DIP2C: variants seen among roughly 807,000 people sequenced by gnomAD.
DIP2C encodes the protein disco-interacting protein 2 homolog C.
A neutral mutation model predicts 192.4 loss-of-function variants in DIP2C; 33 were observed. That is an observed-to-expected ratio of 0.17 (90% CI 0.13 to 0.23). The LOEUF (loss-of-function observed/expected upper bound fraction) is 0.23. DIP2C is among the 10% of genes least tolerant of loss of function. The pLI is 1.00. For synonymous variants in DIP2C, 979 were observed against 864.1 expected (o/e 1.13, Z -2.33); for missense variants, 1,537 against 2,110.1 (o/e 0.73, Z 5.32).
chr10:543,897 A>G (rs1029727755), intron 1 of DIP2C, among the ~76,000 whole-genome samples: 1 of 145,818 alleles, frequency 6.9e-6, no homozygotes, highest in African/African-American at 2.8e-5. Context: ...TGAATCCATT[A>G]AGAGTCAGCA....
intron 1 of DIP2C, among the ~76,000 whole-genome samples, chr10:681,563 A>G (rs1831134734): frequency 6.7e-6 from 1 of 150,220 alleles, no homozygotes; most frequent in Non-Finnish European, 1.5e-5. Flanking sequence ...GCCACCACCT[A>G]TGGCCACGGA....
At chr10:337,581 ATG>A (rs547049566) in intron 29 of DIP2C, among the ~76,000 whole-genome samples, 118 of 100,172 alleles carry the variant, frequency 1.2e-3, no homozygotes, top group African/African-American at 3.5e-3. Context: ...GCCTAGGCTG[ATG>A]TGTGTGTGTG....
chr10:351,712 T>C (rs911127180), intron 24 of DIP2C, among the ~76,000 whole-genome samples: 6 of 152,216 alleles, frequency 3.9e-5, no homozygotes, highest in African/African-American at 7.2e-5. Flanking sequence ...CGGGAAATCC[T>C]GCTGAGAAGA....
intron 1 of DIP2C, among the ~76,000 whole-genome samples, chr10:500,077 A>G (rs1845120225): frequency 2.6e-5 from 4 of 152,210 alleles, no homozygotes; most frequent in Admixed American, 2.6e-4. Flanking sequence ...GGGCCCCCTC[A>G]GCAAGCGCAG....
intron 1 of DIP2C, among the ~76,000 whole-genome samples, chr10:535,974 G>A (rs992162475): frequency 6.6e-6 from 1 of 152,174 alleles, no homozygotes; most frequent in African/African-American, 2.4e-5. Flanking sequence ...GCACACTTCG[G>A]GTGCAAAGAG....
At chr10:542,474 C>A (rs929346311) in intron 1 of DIP2C, among the ~76,000 whole-genome samples, 2 of 152,202 alleles carry the variant, frequency 1.3e-5, no homozygotes, top group African/African-American at 2.4e-5. Context: ...GGACTGCCAG[C>A]GGCCAGACGA....
chr10:328,971 A>G (rs1957386500), intron 30 of DIP2C, among the ~76,000 whole-genome samples: 1 of 152,240 alleles, frequency 6.6e-6, no homozygotes, highest in African/African-American at 2.4e-5. Flanking sequence ...GAAACACAAC[A>G]CTGTTAACTG....
intron 1 of DIP2C, among the ~76,000 whole-genome samples, chr10:584,546 C>G (rs1850881780): frequency 8.1e-6 from 1 of 122,748 alleles, no homozygotes. Flanking sequence ...CACTCACGGG[C>G]ACCACCTCTC....
intron 1 of DIP2C, among the ~76,000 whole-genome samples, chr10:555,200 T>C (rs1848785319): frequency 7.5e-6 from 1 of 133,774 alleles, no homozygotes; most frequent in African/African-American, 3.7e-5. Context: ...ATTTTTTTTT[T>C]TTCCCAAGCC....
At chr10:305,629 G>GT (rs1956280788) in intron 32 of DIP2C, among the ~76,000 whole-genome samples, 1 of 152,200 alleles carries the variant, frequency 6.6e-6, no homozygotes, top group Non-Finnish European at 1.5e-5. Flanking sequence ...TTCTTAAGAT[G>GT]TAAAAAATTG....
At chr10:558,839 G>C (rs1047637992) in intron 1 of DIP2C, among the ~76,000 whole-genome samples, 2 of 152,160 alleles carry the variant, frequency 1.3e-5, no homozygotes, top group African/African-American at 4.8e-5. Flanking sequence ...CAGTGAATCT[G>C]CTCTCCCACT....
intron 1 of DIP2C, among the ~76,000 whole-genome samples, chr10:604,673 T>A (rs574252768): frequency 6.6e-6 from 1 of 152,352 alleles, no homozygotes; most frequent in Admixed American, 6.5e-5. Context: ...TCCAAAAAGT[T>A]CTCTAATTAA....
rs556348681 is a variant in DIP2C at position 387,651 on chromosome 10, C to A, written c.1662+94G>T. ...TGTGGGGAGGGGACTCCTGTGTGGA[C>A]AGACAGTATGGGGAGGGGGACTCCT... On this transcript the variant is annotated intron_variant, in intron 14 of 36. Transcript: ENST00000280886. 2.7e-4 allele frequency: 285 copies of A among 1,037,742 alleles called. 2 individuals carry two copies. The highest frequency in any genetic ancestry group is 1.8e-3 in the Middle Eastern group (7 of 3,932). The allele number at this position is 1,037,742 out of a possible 1,614,324, so 64.3% of individuals were successfully genotyped here.
chr10:642,710 G>T (rs1017187843), intron 1 of DIP2C, among the ~76,000 whole-genome samples: 3 of 152,216 alleles, frequency 2.0e-5, no homozygotes, highest in Admixed American at 6.5e-5. Flanking sequence ...CGGCACCGGG[G>T]TCTCACAGAC....
intron 4 of DIP2C, chr10:430,593 T>G (rs1328797052): frequency 6.6e-6 from 1 of 152,254 alleles, no homozygotes; most frequent in Non-Finnish European, 1.5e-5. Context: ...ATCATTTATG[T>G]CTTTTGCAAA....
chr10:660,841 C>T (rs185065449), intron 1 of DIP2C, among the ~76,000 whole-genome samples: 2 of 152,172 alleles, frequency 1.3e-5, no homozygotes, highest in East Asian at 1.9e-4. Flanking sequence ...ACCCATGAAG[C>T]GTGGCCGAGA....
At chr10:367,874 G>C (rs1166010130) in intron 18 of DIP2C, among the ~76,000 whole-genome samples, 2 of 152,252 alleles carry the variant, frequency 1.3e-5, no homozygotes, top group Non-Finnish European at 2.9e-5. Flanking sequence ...CACACGGGGT[G>C]GGGGTGCAGG....
chr10:412,468 C>G (rs1360208050), intron 8 of DIP2C, among the ~76,000 whole-genome samples: 1 of 152,194 alleles, frequency 6.6e-6, no homozygotes, highest in Non-Finnish European at 1.5e-5. Flanking sequence ...GCTTTTGACT[C>G]AATAAAACCT....
intron 1 of DIP2C, among the ~76,000 whole-genome samples, chr10:684,978 C>T (rs1198971454): frequency 2.0e-5 from 3 of 150,960 alleles, no homozygotes; most frequent in African/African-American, 7.3e-5. Flanking sequence ...ACTAAAAATA[C>T]AAAAAATTAG....
Sources: allele counts gnomAD v4.1 joint callset (sites outside exome capture counted in the v4.1 genomes callset), GRCh38; gene constraint gnomAD v4.1.1; transcripts MANE v1.5; gene names NCBI Gene and HGNC (gene_info 2026-07-23, HGNC 2026-07-21).